The following TRPM1 variants were observed in gnomAD, a reference collection of about 807,000 sequenced individuals.
TRPM1 encodes transient receptor potential cation channel subfamily M member 1.
TRPM1 carries 113 observed loss-of-function variants against 149.4 expected under a neutral mutation model. The ratio of observed to expected loss-of-function variants is 0.76; its 90% confidence interval spans 0.65 to 0.88. The LOEUF is 0.88. Ranked by LOEUF, TRPM1 falls within the 40% of genes least tolerant of loss-of-function variation. The probability of loss-of-function intolerance (pLI) is 0.00; values close to 1 mark genes in which losing one functional copy is unlikely to be tolerated. For synonymous variants in TRPM1, 741 were observed against 759.5 expected, an observed-to-expected ratio of 0.98 and a Z score of 0.40; for missense variants, 1,976 against 2,038.7, an observed-to-expected ratio of 0.97 and a Z score of 0.59.
At chr15:31,149,256 G>C (rs577641958) in intron 1 of TRPM1, among the ~76,000 whole-genome samples, 1 of 152,306 alleles carries the variant, frequency 6.6e-6, no homozygotes, top group East Asian at 1.9e-4. Flanking sequence ...ACCCCTGAGA[G>C]TTTACCCTGG....
chr15:31,152,005 C>T (rs1393908541), intron 1 of TRPM1, among the ~76,000 whole-genome samples: 2 of 152,192 alleles, frequency 1.3e-5, no homozygotes, highest in Admixed American at 6.5e-5. Context: ...GCGGTGACTC[C>T]AGCAAGCTCT....
At chr15:31,038,991 CTTTTT>C (rs1175210129) in intron 18 of TRPM1, among the ~76,000 whole-genome samples, 3 of 131,490 alleles carry the variant, frequency 2.3e-5, no homozygotes, top group Non-Finnish European at 3.3e-5. Context: ...CATGCTTCCC[CTTTTT>C]TTTTTTTTTT....
chr15:31,075,144 C>G (rs1254697241), intron 3 of TRPM1, among the ~76,000 whole-genome samples: 1 of 152,146 alleles, frequency 6.6e-6, no homozygotes, highest in African/African-American at 2.4e-5. Flanking sequence ...AATGTGTTTT[C>G]TATTGTTACT....
rs755861602 is a variant in TRPM1 at position 31,047,907 on chromosome 15, C to T, written c.1605G>A (p.Leu535=). 1.2e-6 allele frequency: 2 copies of T among 1,613,854 alleles called. No individual in the cohort carries two copies. Among genetic ancestry groups the T allele is most frequent in the Non-Finnish European group, 1.7e-6 (2 of 1,179,746 alleles). ...RLGPPNTLHL[L]VRDVKKSNLP... The stretch of plus-strand genomic sequence containing the variant: ...GACTGACCTTTTTCACATCCCTCAC[C>T]AGCAGATGAAGTGTGTTTGGTGGAC... Residue 535 remains leucine (L), a synonymous_variant, in exon 14 of 28, where the codon CTG becomes CTA. Coordinates refer to ENST00000256552, the MANE Select transcript of TRPM1 (RefSeq NM_001252024.2).
intron 16 of TRPM1, among the ~76,000 whole-genome samples, chr15:31,043,516 T>C (rs535007683): frequency 6.6e-6 from 1 of 152,106 alleles, no homozygotes; most frequent in Non-Finnish European, 1.5e-5. Context: ...TTTTATAATA[T>C]CATAATGAGC....
chr15:31,042,331 T>C (rs2033645887), intron 16 of TRPM1, 88 bp from the exon 17 acceptor site: 1 of 1,397,726 alleles, frequency 7.2e-7, no homozygotes, highest in Admixed American at 2.0e-5. Context: ...GAACCCTTTC[T>C]GTCAGAGGTA....
chr15:31,015,100 T>C (rs1229314624), intron 27 of TRPM1, among the ~76,000 whole-genome samples: 3 of 152,138 alleles, frequency 2.0e-5, no homozygotes, highest in African/African-American at 4.8e-5. Flanking sequence ...AATAATTTCA[T>C]TTAATATTAA....
chr15:31,110,039 AG>A (rs1245333776), intron 1 of TRPM1, among the ~76,000 whole-genome samples: 1 of 152,226 alleles, frequency 6.6e-6, no homozygotes, highest in Non-Finnish European at 1.5e-5. Context: ...ATTTGAAGTA[AG>A]GCTTATATTG....
In TRPM1 at chr15:31,128,437, A is replaced by G. The variant is rs993181879; in HGVS notation, c.54+32469T>C. On this transcript the variant is annotated intron_variant, in intron 1 of 26. Coordinates refer to the TRPM1 transcript ENST00000542188. ...CCCTGCTCCTGACTCATGAACCATA[A>G]GGGATGCTGGTCACCTGGCCGGCTG... is the stretch of plus-strand genomic sequence containing the variant. Among the ~76,000 whole-genome samples, 5 of 152,182 alleles carry G rather than the reference A, an allele frequency of 3.3e-5. 1 individual carries two copies. Among genetic ancestry groups the G allele is most frequent in the Admixed American group, 2.0e-4 (3 of 15,276 alleles).
At chr15:31,120,173 A>C (rs1325460861) in intron 1 of TRPM1, among the ~76,000 whole-genome samples, 1 of 151,996 alleles carries the variant, frequency 6.6e-6, no homozygotes, top group African/African-American at 2.4e-5. Flanking sequence ...GTCCACTTTA[A>C]ATATAAAGAT....
chr15:31,040,513 G>C lies in TRPM1; in HGVS notation c.2088-167C>G, dbSNP rs940902212. On this transcript the variant is annotated intron_variant, in intron 17 of 27. Coordinates refer to ENST00000256552, the MANE Select transcript of TRPM1 (RefSeq NM_001252024.2). This position sits in a 1 kb window ranked among gnomAD's most constrained non-coding sequence, Gnocchi z 4.2. ...AAGCTCCAGGGATGTGTCCCCAAAG[G>C]GGGAAGGCCAGGGACAGTGGCTGGG... 6.6e-6 allele frequency among the ~76,000 whole-genome samples: 1 copy of C among 152,200 alleles called. No homozygotes were observed. The highest frequency in any genetic ancestry group is 1.5e-5 in the Non-Finnish European group (1 of 68,038).
Position 31,046,196 on chromosome 15 carries a change from C to A in TRPM1, c.1794+8G>T, listed in dbSNP as rs1223264629. On this transcript the variant is annotated splice_region_variant and intron_variant, in intron 16 of 27. Transcript: ENST00000256552. The stretch of plus-strand genomic sequence containing the variant: ...ATTATAAAACTGTTGAAAACAAGTT[C>A]TACTTACTTCCATTCCCAGAAGTTT... 1.2e-6 allele frequency: 2 copies of A among 1,611,582 alleles called. No individual in the cohort carries two copies. Among genetic ancestry groups the A allele is most frequent in the East Asian group, 4.5e-5 (2 of 44,806 alleles).
chr15:31,013,621 T>C (rs2032260611), intron 27 of TRPM1, among the ~76,000 whole-genome samples: 1 of 152,176 alleles, frequency 6.6e-6, no homozygotes, highest in Admixed American at 6.5e-5. Flanking sequence ...GTCATTTTTA[T>C]TTAAAAGTGG....
chr15:31,135,432 A>C (rs1420157446), intron 1 of TRPM1, among the ~76,000 whole-genome samples: 1 of 152,200 alleles, frequency 6.6e-6, no homozygotes, highest in Non-Finnish European at 1.5e-5. Context: ...AAAATAAATA[A>C]AATTTTTAAA....
At chr15:31,094,767 C>T (rs2035332354) in intron 1 of TRPM1, among the ~76,000 whole-genome samples, 1 of 152,218 alleles carries the variant, frequency 6.6e-6, no homozygotes. Context: ...AACCTTCAGA[C>T]ATTGCTGGTG....
At chr15:31,091,099 G>T (rs1319281449) in intron 1 of TRPM1, among the ~76,000 whole-genome samples, 1 of 152,236 alleles carries the variant, frequency 6.6e-6, no homozygotes, top group African/African-American at 2.4e-5. Context: ...CAATGCCTGG[G>T]ATCTGTTGGG....
chr15:31,004,894 G>C (rs1023701604), intron 27 of TRPM1, among the ~76,000 whole-genome samples: 8 of 152,122 alleles, frequency 5.3e-5, no homozygotes, highest in African/African-American at 1.7e-4. Context: ...CTGAGGCCAG[G>C]AGTTCAAGAC....
chr15:31,103,132 GC>G (rs1293400235), upstream of TRPM1, among the ~76,000 whole-genome samples: 2 of 152,154 alleles, frequency 1.3e-5, no homozygotes, highest in African/African-American at 2.4e-5. Flanking sequence ...AGCACCAATG[GC>G]CAGCCCGACC....
chr15:31,046,743 C>A (rs2033774994), intron 15 of TRPM1, among the ~76,000 whole-genome samples: 1 of 152,158 alleles, frequency 6.6e-6, no homozygotes, highest in Admixed American at 6.5e-5. Flanking sequence ...ATTCTCCAGG[C>A]AGTGAGGAGC....
Sources: gnomAD v4.1 joint callset for allele counts (sites outside exome capture counted in the v4.1 genomes callset) on GRCh38, gnomAD v4.1.1 for gene constraint, Gnocchi (gnomAD v3.1) non-coding constraint, MANE v1.5 for transcripts, NCBI Gene and HGNC (gene_info 2026-07-23, HGNC 2026-07-21) for gene names.